SKAP2: variants seen among roughly 807,000 people sequenced by gnomAD.
SKAP2 encodes src kinase-associated phosphoprotein 2.
A neutral mutation model predicts 54.9 loss-of-function variants in SKAP2; 28 were observed. The observed-to-expected ratio is 0.51, with a 90% CI of 0.38 to 0.70. The LOEUF (loss-of-function observed/expected upper bound fraction) is 0.70. Among genes scored for constraint, SKAP2 ranks in the 30% least tolerant of loss-of-function variants. The probability of loss-of-function intolerance (pLI) is 0.00; values close to 1 mark genes in which losing one functional copy is unlikely to be tolerated. For synonymous variants in SKAP2, 137 were observed against 134.3 expected (o/e 1.02, Z -0.14); for missense variants, 356 against 424.1 (o/e 0.84, Z 1.41).
chr7:26,800,160 T>C (rs1379279794), intron 4 of SKAP2, among the ~76,000 whole-genome samples: 1 of 151,730 alleles, frequency 6.6e-6, no homozygotes, highest in African/African-American at 2.4e-5. Flanking sequence ...ACTGAAAAAC[T>C]ACCAAGCATC....
chr7:26,731,610 T>C (rs891510596), intron 6 of SKAP2, among the ~76,000 whole-genome samples: 1 of 152,208 alleles, frequency 6.6e-6, no homozygotes, highest in Non-Finnish European at 1.5e-5. Context: ...ACTAAATATG[T>C]TTCATTTCTC....
At chr7:26,658,194 G>A in the SKAP2 span, among the ~76,000 whole-genome samples, 6 of 152,128 alleles carry the variant, frequency 3.9e-5, no homozygotes, top group African/African-American at 7.2e-5. Flanking sequence ...ACCCTGCAGC[G>A]GGGTTTGCTC....
At chr7:26,837,022 C>T (rs184337640) in intron 4 of SKAP2, among the ~76,000 whole-genome samples, 10 of 152,290 alleles carry the variant, frequency 6.6e-5, no homozygotes, top group African/African-American at 1.7e-4. Context: ...AGGATGAGTT[C>T]GTGTCCTTTG....
chr7:26,727,027 T>C (rs375975563), intron 6 of SKAP2, 21 bp from the exon 7 acceptor site: 1 of 1,562,770 alleles, frequency 6.4e-7, no homozygotes, highest in Non-Finnish European at 8.7e-7. Context: ...TAAAACCAGT[T>C]AGAATTTCAT....
chr7:26,735,833 A>G (rs2127959807), intron 6 of SKAP2, among the ~76,000 whole-genome samples: 1 of 152,338 alleles, frequency 6.6e-6, no homozygotes, highest in East Asian at 1.9e-4. Context: ...AATCGGGATC[A>G]TGCCAAACAA....
At position 26,717,176 on chromosome 7, in the gene SKAP2, G is replaced by C. The variant is rs189300626; in HGVS notation, c.796+8252C>G. Among the ~76,000 whole-genome samples, 569 of 152,240 alleles carry C rather than the reference G, an allele frequency of 3.7e-3. 7 individuals carry two copies. Among genetic ancestry groups the C allele is most frequent in the African/African-American group, 0.013 (553 of 41,558 alleles). On this transcript the variant is annotated intron_variant, in intron 9 of 12. Transcript: ENST00000345317. ...TGCAGCAAGGCGTAGAGCCAGACAAGAGACAGATGGAGAGAAACAGGGGAA... is the reference window on the plus strand; with the variant it reads ...TGCAGCAAGGCGTAGAGCCAGACAACAGACAGATGGAGAGAAACAGGGGAA...
intron 4 of SKAP2, among the ~76,000 whole-genome samples, chr7:26,813,919 T>C (rs974148632): frequency 6.6e-6 from 1 of 152,208 alleles, no homozygotes. Context: ...CTGTCCCCTT[T>C]ACATATTTGA....
intron 4 of SKAP2, among the ~76,000 whole-genome samples, chr7:26,803,517 T>C (rs1252472251): frequency 1.3e-5 from 2 of 152,126 alleles, no homozygotes; most frequent in African/African-American, 4.8e-5. Context: ...ATGCTATTGG[T>C]GGGAATGTAA....
chr7:26,833,483 C>T (rs940336905), intron 4 of SKAP2, among the ~76,000 whole-genome samples: 6 of 150,762 alleles, frequency 4.0e-5, no homozygotes, highest in African/African-American at 1.5e-4. Flanking sequence ...ACCCATCTGA[C>T]GTGCAAAGAC....
At chr7:26,816,076 T>C (rs925179401) in intron 4 of SKAP2, among the ~76,000 whole-genome samples, 2 of 152,140 alleles carry the variant, frequency 1.3e-5, no homozygotes, top group Admixed American at 6.6e-5. Flanking sequence ...GATGATCTCA[T>C]GGCTAAATAA....
intron 9 of SKAP2, among the ~76,000 whole-genome samples, chr7:26,702,386 C>T (rs1328435215): frequency 6.6e-6 from 1 of 152,180 alleles, no homozygotes; most frequent in Non-Finnish European, 1.5e-5. Context: ...AAGCAATCCA[C>T]CTGCCTCGGC....
chr7:26,713,939 C>T (rs953832101), intron 9 of SKAP2, among the ~76,000 whole-genome samples: 1 of 152,238 alleles, frequency 6.6e-6, no homozygotes, highest in South Asian at 2.1e-4. Flanking sequence ...AACAAGAAAA[C>T]AAACTGGAGA....
intron 9 of SKAP2, among the ~76,000 whole-genome samples, chr7:26,695,245 C>A (rs1388841699): frequency 6.6e-6 from 1 of 152,008 alleles, no homozygotes; most frequent in Non-Finnish European, 1.5e-5. Flanking sequence ...AAAAGTTAAG[C>A]TCTGAAATAA....
At chr7:26,675,198 A>G (rs1786325437) in intron 11 of SKAP2, among the ~76,000 whole-genome samples, 1 of 152,148 alleles carries the variant, frequency 6.6e-6, no homozygotes, top group African/African-American at 2.4e-5. Flanking sequence ...TCTCCACTGC[A>G]TTAACTGTAG....
intron 10 of SKAP2, among the ~76,000 whole-genome samples, chr7:26,685,357 T>A (rs1435784478): frequency 6.6e-6 from 1 of 151,504 alleles, no homozygotes; most frequent in African/African-American, 2.4e-5. Flanking sequence ...AAAAAAAAAA[T>A]ACTAAACCCT....
At chr7:26,743,246 A>C (rs561765489) in intron 4 of SKAP2, among the ~76,000 whole-genome samples, 2 of 152,334 alleles carry the variant, frequency 1.3e-5, no homozygotes, top group South Asian at 4.1e-4. Context: ...TGCACATAGT[A>C]GGCATTCAGT....
chr7:26,813,913 C>T (rs1784209881), intron 4 of SKAP2, among the ~76,000 whole-genome samples: 1 of 152,178 alleles, frequency 6.6e-6, no homozygotes, highest in African/African-American at 2.4e-5. Flanking sequence ...GTTCTACTGT[C>T]CCCTTTACAT....
chr7:26,772,473 C>T (rs1043256609), intron 4 of SKAP2, among the ~76,000 whole-genome samples: 1 of 152,186 alleles, frequency 6.6e-6, no homozygotes, highest in Non-Finnish European at 1.5e-5. Context: ...CAAGTGAGAA[C>T]ATAGGGTATG....
At chr7:26,671,937 C>T (rs1256451338) in intron 11 of SKAP2, among the ~76,000 whole-genome samples, 2 of 151,922 alleles carry the variant, frequency 1.3e-5, no homozygotes, top group East Asian at 3.9e-4. Flanking sequence ...CTTAAAAAAA[C>T]ACACGTACTT....
Sources: allele counts gnomAD v4.1 joint callset (sites outside exome capture counted in the v4.1 genomes callset), GRCh38; gene constraint gnomAD v4.1.1; transcripts MANE v1.5; gene names NCBI Gene and HGNC (gene_info 2026-07-23, HGNC 2026-07-21).